Variants in CTNNA2 observed in about 807,000 individuals in gnomAD.
CTNNA2 encodes the protein catenin alpha 2.
Under a neutral mutation model 101.0 loss-of-function variants are expected in CTNNA2, and 42 were observed. That is an observed-to-expected ratio of 0.42 (90% CI 0.32 to 0.54). CTNNA2 has a LOEUF of 0.54. Ranked by LOEUF, CTNNA2 falls within the 20% of genes least tolerant of loss-of-function variation. The pLI is 0.14. For missense variants in CTNNA2, 871 were observed against 1,223.1 expected (o/e 0.71, Z 4.29); for synonymous variants, 450 against 456.4 (o/e 0.99, Z 0.18).
At chr2:79,537,196 G>T (rs140965325) in intron 1 of CTNNA2, among the ~76,000 whole-genome samples, 11 of 152,120 alleles carry the variant, frequency 7.2e-5, no homozygotes, top group Non-Finnish European at 1.5e-4. Context: ...GATTTGACCT[G>T]CCTGATCCAC....
intron 2 of CTNNA2, among the ~76,000 whole-genome samples, chr2:79,305,285 C>CGT (rs1006278230): frequency 1.7e-4 from 25 of 148,654 alleles, no homozygotes; most frequent in Non-Finnish European, 3.1e-4. Flanking sequence ...TATGTAGATA[C>CGT]GTGTGTGTGT....
At chr2:79,794,200 G>A (rs891343957) in intron 3 of CTNNA2, among the ~76,000 whole-genome samples, 1 of 152,074 alleles carries the variant, frequency 6.6e-6, no homozygotes, top group African/African-American at 2.4e-5. Context: ...AAAGAAAACA[G>A]GACTTCAGAG....
intron 7 of CTNNA2, among the ~76,000 whole-genome samples, chr2:80,279,380 G>C (rs2149156978): frequency 6.6e-6 from 1 of 152,114 alleles, no homozygotes; most frequent in African/African-American, 2.4e-5. Context: ...TCCAGGATTG[G>C]TACTGGCCTG....
At chr2:79,388,982 G>T (rs531139685) in intron 4 of CTNNA2, among the ~76,000 whole-genome samples, 1 of 152,120 alleles carries the variant, frequency 6.6e-6, no homozygotes, top group East Asian at 1.9e-4. Flanking sequence ...AACCTGGTTT[G>T]CCATTTGGGG....
chr2:79,900,526 T>C (rs1558625105), intron 6 of CTNNA2, among the ~76,000 whole-genome samples: 1 of 152,224 alleles, frequency 6.6e-6, no homozygotes, highest in Non-Finnish European at 1.5e-5. Context: ...AACATTTCTA[T>C]AGTCATGCTC....
At chr2:79,545,032 T>C (rs942667950) in intron 1 of CTNNA2, among the ~76,000 whole-genome samples, 4 of 151,910 alleles carry the variant, frequency 2.6e-5, no homozygotes, top group African/African-American at 9.7e-5. Flanking sequence ...CACAATATTT[T>C]TCACAGTTCC....
At chr2:79,301,325 C>T (rs1042267045) in intron 2 of CTNNA2, among the ~76,000 whole-genome samples, 1 of 152,162 alleles carries the variant, frequency 6.6e-6, no homozygotes. Flanking sequence ...ATATATAACA[C>T]AGTTTACAGA....
intron 3 of CTNNA2, among the ~76,000 whole-genome samples, chr2:79,753,012 G>A (rs928136006): frequency 1.3e-5 from 2 of 152,182 alleles, no homozygotes; most frequent in African/African-American, 4.8e-5. Context: ...TAGATGAAAT[G>A]ATCTCGATTA....
At chr2:80,548,983 G>C (rs753848270) in intron 11 of CTNNA2, among the ~76,000 whole-genome samples, 4 of 152,116 alleles carry the variant, frequency 2.6e-5, no homozygotes, top group Non-Finnish European at 5.9e-5. Context: ...TTAAAAGATT[G>C]TAGTTTTTTT....
At chr2:79,965,862 AG>A in intron 7 of CTNNA2, among the ~76,000 whole-genome samples, 1 of 146,468 alleles carries the variant, frequency 6.8e-6, no homozygotes, top group African/African-American at 2.7e-5. Flanking sequence ...AAGAAAAGAA[AG>A]AAAAGAAAAG....
intron 4 of CTNNA2, among the ~76,000 whole-genome samples, chr2:79,429,672 G>T (rs1678630181): frequency 6.6e-6 from 1 of 152,096 alleles, no homozygotes; most frequent in Non-Finnish European, 1.5e-5. Context: ...CATGAAAGTG[G>T]ATTTTATGCA....
chr2:80,331,220 T>C (rs966245504), intron 7 of CTNNA2, among the ~76,000 whole-genome samples: 6 of 152,154 alleles, frequency 3.9e-5, no homozygotes, highest in African/African-American at 1.4e-4. Context: ...GCACATTAGG[T>C]ATTCGTTATC....
chr2:80,204,655 C>G (rs1707417429), intron 7 of CTNNA2, among the ~76,000 whole-genome samples: 1 of 152,122 alleles, frequency 6.6e-6, no homozygotes. Context: ...ATTTTCCTGT[C>G]TTCTTCTGAG....
chr2:79,674,128 C>T (rs1309855231), intron 2 of CTNNA2, among the ~76,000 whole-genome samples: 1 of 152,148 alleles, frequency 6.6e-6, no homozygotes, highest in African/African-American at 2.4e-5. Flanking sequence ...AAAAATTGCT[C>T]TGCACGATCT....
At chr2:80,085,989 G>A (rs971315072) in intron 7 of CTNNA2, among the ~76,000 whole-genome samples, 1 of 151,968 alleles carries the variant, frequency 6.6e-6, no homozygotes, top group African/African-American at 2.4e-5. Flanking sequence ...GTATTTAGAT[G>A]TTTTGTAAAT....
chr2:79,590,976 G>A (rs546218780), intron 1 of CTNNA2, among the ~76,000 whole-genome samples: 1 of 152,286 alleles, frequency 6.6e-6, no homozygotes, highest in South Asian at 2.1e-4. Context: ...TGGCAGTGAG[G>A]TGTTGTTTTT....
At chr2:79,597,200 C>T (rs1019831791) in intron 1 of CTNNA2, among the ~76,000 whole-genome samples, 3 of 152,112 alleles carry the variant, frequency 2.0e-5, no homozygotes, top group African/African-American at 2.4e-5. Context: ...CGTCCGGGCG[C>T]GGTGGCTCAC....
intron 3 of CTNNA2, among the ~76,000 whole-genome samples, chr2:79,810,282 TTACA>T (rs1676905585): frequency 6.6e-6 from 1 of 152,028 alleles, no homozygotes; most frequent in Admixed American, 6.6e-5. Flanking sequence ...GCAAAAGGTC[TTACA>T]TCACAGTTGG....
intron 7 of CTNNA2, among the ~76,000 whole-genome samples, chr2:80,345,905 A>G (rs993412080): frequency 2.0e-5 from 3 of 152,024 alleles, no homozygotes; most frequent in Non-Finnish European, 4.4e-5. Flanking sequence ...ATAAAGCCAA[A>G]CTCTACTATT....
Sources: gnomAD v4.1 joint callset for allele counts (sites outside exome capture counted in the v4.1 genomes callset) on GRCh38, gnomAD v4.1.1 for gene constraint, MANE v1.5 for transcripts, NCBI Gene and HGNC (gene_info 2026-07-23, HGNC 2026-07-21) for gene names.